Variants in WDR11 observed in about 807,000 individuals in gnomAD.
WDR11 encodes WD repeat domain 11, also known as WD repeat-containing protein 11.
Under a neutral mutation model 151.2 loss-of-function variants are expected in WDR11, and 83 were observed. That is an observed-to-expected ratio of 0.55 (90% CI 0.46 to 0.66). The LOEUF is 0.66. WDR11 is among the 30% of genes least tolerant of loss of function. The pLI is 0.00. For missense variants in WDR11, 1,301 were observed against 1,480.9 expected (o/e 0.88, Z 1.99); for synonymous variants, 484 against 533.1 (o/e 0.91, Z 1.27).
At chr10:120,874,028 A>T in intron 11 of WDR11, 105 bp downstream of exon 11, 1 of 762,696 alleles carries the variant, frequency 1.3e-6, no homozygotes. Context: ...AGTGGTGATT[A>T]TTTGAAAAGT....
At chr10:120,875,914 C>G (rs540146426) in intron 11 of WDR11, among the ~76,000 whole-genome samples, 6 of 151,710 alleles carry the variant, frequency 4.0e-5, no homozygotes, top group Admixed American at 3.9e-4. Flanking sequence ...TCAGTGAACC[C>G]TTAGCAAACA....
intron 13 of WDR11, 143 bp downstream of exon 13, chr10:120,881,044 A>C (rs1846987170): frequency 2.8e-6 from 2 of 711,906 alleles, no homozygotes; most frequent in African/African-American, 3.6e-5. Flanking sequence ...CAGCCCAAAG[A>C]AAATATTTTG....
At position 120,875,008 on chromosome 10, in the gene WDR11, C is replaced by T. The variant is rs183282860; in HGVS notation, c.1556+1085C>T. On this transcript the variant is annotated intron_variant, in intron 11 of 28. Coordinates refer to ENST00000263461, the MANE Select transcript of WDR11 (RefSeq NM_018117.12). ...AGGCCCCAGTGTGTGATGTTCCTCT[C>T]GCTGTGTCTATGTGTTCTCATCGTT... 9.3e-4 allele frequency among the ~76,000 whole-genome samples: 142 copies of T among 151,928 alleles called. 2 individuals carry two copies. The highest frequency in any genetic ancestry group is 6.9e-3 in the South Asian group (33 of 4,788).
chr10:120,857,427 A>G (rs1388362282), intron 2 of WDR11, among the ~76,000 whole-genome samples: 1 of 152,212 alleles, frequency 6.6e-6, no homozygotes, highest in African/African-American at 2.4e-5. Flanking sequence ...ATAAATAACT[A>G]GAATGGACTG....
chr10:120,868,521 A>T (rs1457130775), intron 9 of WDR11: 2 of 152,194 alleles, frequency 1.3e-5, no homozygotes, highest in Non-Finnish European at 2.9e-5. Flanking sequence ...TGGGTACTTC[A>T]TACTGTGTTA....
intron 19 of WDR11, among the ~76,000 whole-genome samples, chr10:120,893,808 G>A (rs1302601704): frequency 3.3e-5 from 5 of 151,210 alleles, no homozygotes; most frequent in East Asian, 1.9e-4. Flanking sequence ...CTGCATAAAT[G>A]TCTTCTTTTG....
intron 15 of WDR11, 73 bp from the exon 16 acceptor site, chr10:120,886,616 C>T: frequency 1.3e-6 from 2 of 1,572,078 alleles, no homozygotes; most frequent in Non-Finnish European, 1.7e-6. Context: ...GTACTTTGGG[C>T]AAGTTAATTA....
chr10:120,852,631 T>G lies in WDR11; in HGVS notation c.194T>G (p.Val65Gly). 6.2e-7 allele frequency: 1 copy of G among 1,613,390 alleles called. No individual in the cohort carries two copies. The highest frequency in any genetic ancestry group is 1.1e-5 in the South Asian group (1 of 91,004). The stretch of plus-strand genomic sequence containing the variant: ...TTAGAAAAGCATAAAGCTGATGTTG[T>G]AAAGGTAAGTAAAATCCCACTTTGA... The part of the protein sequence containing the change: ...QVLEKHKADV[V>G]KVKWARENYH... Residue 65 changes from valine to glycine, a missense_variant, in exon 2 of 29, where the codon GTA becomes GGA. By Grantham distance (109) the Val-to-Gly change is moderately radical (BLOSUM62 -3). Transcript: ENST00000263461.
At chr10:120,879,699 G>A (rs1164405251) in intron 12 of WDR11, 2 of 152,196 alleles carry the variant, frequency 1.3e-5, no homozygotes, top group Admixed American at 1.3e-4. Context: ...GAGGGCAGCA[G>A]ACTAGTGCAG....
rs780107545 is a variant in WDR11, at chr10:120,867,282, A to G, written c.1294+113A>G. On this transcript the variant is annotated intron_variant, in intron 9 of 28. Coordinates refer to ENST00000263461, the MANE Select transcript of WDR11 (RefSeq NM_018117.12). ...GTCAAAAAAGTTAATACTTGAGAAA[A>G]CTAGAACATGGAATCATTCTTTCCT... The G allele has an allele frequency of 3.7e-5, 29 of 780,980 alleles. No homozygotes were observed. In the East Asian group the frequency reaches 7.4e-4, roughly 20 times the overall value. 48.4% of individuals were successfully genotyped at this position (780,980 alleles called of 1,614,324 possible).
intron 6 of WDR11, 101 bp downstream of exon 6, chr10:120,865,313 T>C (rs945629280): frequency 6.2e-5 from 76 of 1,220,410 alleles, no homozygotes; most frequent in Non-Finnish European, 8.7e-5. Context: ...TTCTCCACTT[T>C]CTCTTTTCAA....
intron 11 of WDR11, among the ~76,000 whole-genome samples, chr10:120,876,135 C>T (rs573787111): frequency 4.0e-5 from 6 of 151,894 alleles, no homozygotes; most frequent in South Asian, 4.2e-4. Flanking sequence ...TATGCCACCA[C>T]GCCCAGCTAA....
intron 2 of WDR11, among the ~76,000 whole-genome samples, chr10:120,853,198 G>A (rs1845839623): frequency 6.6e-6 from 1 of 152,106 alleles, no homozygotes; most frequent in South Asian, 2.1e-4. Context: ...TTGTAGGAGT[G>A]ATGAAATAAG....
Position 120,874,188 on chromosome 10 carries a change from TTTTTGTTGTTGTTGTTG to T in WDR11, c.1556+268_1556+284del, listed in dbSNP as rs1157456574. ...TGCGGTTTTTGCAGTTTTTTTTTTT[TTTTTGTTGTTGTTGTTG>T]TTGTTTGTTTTGTTTTGTTTTGTTT... On this transcript the variant is annotated intron_variant, in intron 11 of 28. Transcript: ENST00000263461. Among the ~76,000 whole-genome samples, 46 of 90,818 alleles carry T rather than the reference TTTTTGTTGTTGTTGTTG, an allele frequency of 5.1e-4. 1 individual carries two copies. Among genetic ancestry groups the T allele is most frequent in the African/African-American group, 1.5e-3 (40 of 26,718 alleles). The allele number at this position is 90,818 out of a possible 152,430, so 59.6% of individuals were successfully genotyped here.
Position 120,871,284 on chromosome 10 carries a change from T to C in WDR11, c.1409T>C (p.Ile470Thr). The C allele has an allele frequency of 6.2e-7, 1 of 1,614,158 alleles. No individual in the cohort carries two copies. The highest frequency in any genetic ancestry group is 8.5e-7 in the Non-Finnish European group (1 of 1,180,024). ...GGACTGCCCGCACCACAGTTTGCTA[T>C]TCGTATGTGTCCACCGTTGACCACA... ...LSGLPAPQFAIRMCPPLTTKN... is the reference protein window; with the variant it reads ...LSGLPAPQFATRMCPPLTTKN... The change falls in exon 10 of 29, where the codon ATT becomes ACT. Residue 470 changes from isoleucine to threonine, a missense_variant. Ile to Thr is a moderately conservative substitution (Grantham distance 89). Coordinates refer to ENST00000263461, the MANE Select transcript of WDR11 (RefSeq NM_018117.12).
intron 2 of WDR11, among the ~76,000 whole-genome samples, chr10:120,854,067 C>T (rs948760641): frequency 1.2e-4 from 18 of 152,158 alleles, no homozygotes; most frequent in Admixed American, 2.6e-4. Flanking sequence ...AATGTACTGA[C>T]TTAAAATGCA....
intron 27 of WDR11, 96 bp downstream of exon 27, chr10:120,906,117 A>G: frequency 6.2e-7 from 1 of 1,605,468 alleles, no homozygotes; most frequent in Non-Finnish European, 8.5e-7. Context: ...CTCGATGTGT[A>G]AAGTGAAAGG....
At position 120,886,762 on chromosome 10, in the gene WDR11, G is replaced by A. The variant is rs200394889; in HGVS notation, c.2047G>A (p.Asp683Asn). Reference sequence around the variant, plus strand: ...TGCCCGGGAACATTTTGTATTTACCGATATTGATGGCCAAGTGTATCATCT... The same window carrying A: ...TGCCCGGGAACATTTTGTATTTACCAATATTGATGGCCAAGTGTATCATCT... The part of the protein sequence containing the change: ...ISAREHFVFT[D>N]IDGQVYHLTV... The change falls in exon 16 of 29, where the codon GAT becomes AAT. Residue 683 changes from aspartate (D) to asparagine (N), a missense_variant. By Grantham distance (23) the Asp-to-Asn change is conservative. Transcript: ENST00000263461. 5.6e-5 allele frequency: 90 copies of A among 1,613,966 alleles called. No individual in the cohort carries two copies. Among genetic ancestry groups the A allele is most frequent in the Non-Finnish European group, 6.8e-5 (80 of 1,179,950 alleles).
chr10:120,883,283 T>C (rs1218575520), intron 13 of WDR11, among the ~76,000 whole-genome samples: 1 of 152,206 alleles, frequency 6.6e-6, no homozygotes, highest in Non-Finnish European at 1.5e-5. Flanking sequence ...TAATCAGTGC[T>C]CAAATTATAT....
Sources: allele counts gnomAD v4.1 joint callset (sites outside exome capture counted in the v4.1 genomes callset), GRCh38; gene constraint gnomAD v4.1.1; transcripts MANE v1.5; gene names NCBI Gene and HGNC (gene_info 2026-07-23, HGNC 2026-07-21).